Variants in PCGF5 observed in about 807,000 individuals in gnomAD.
PCGF5 encodes the protein polycomb group ring finger 5, also known as polycomb group RING finger protein 5.
In PCGF5, 9 loss-of-function variants were observed where a neutral mutation model predicts 44.3. That is an observed-to-expected ratio of 0.20 (90% CI 0.12 to 0.35). PCGF5 has a LOEUF of 0.35. Among genes scored for constraint, PCGF5 ranks in the 10% least tolerant of loss-of-function variants. The pLI is 1.00. For synonymous variants in PCGF5, 95 were observed against 102.5 expected (o/e 0.93, Z 0.44); for missense variants, 146 against 305.3 (o/e 0.48, Z 3.89).
chr10:91,251,374 C>T lies in PCGF5; in HGVS notation c.408C>T (p.Asp136=), dbSNP rs1564650041. 2 of 1,611,166 alleles carry T rather than the reference C, an allele frequency of 1.2e-6. No individual in the cohort carries two copies. Among genetic ancestry groups the T allele is most frequent in the African/African-American group, 1.3e-5 (1 of 74,828 alleles). Reference sequence around the variant, plus strand: ...ATGATAAAGATTATCACAGAAGTGACCCACAAATTGCTATCTGTCTAGATT... The same window carrying T: ...ATGATAAAGATTATCACAGAAGTGATCCACAAATTGCTATCTGTCTAGATT... ...NEDDKDYHRS[D]PQIAICLDCL... Residue 136 remains aspartate, a synonymous_variant, in exon 6 of 10, where the codon GAC becomes GAT. Coordinates refer to ENST00000336126, the MANE Select transcript of PCGF5 (RefSeq NM_032373.5).
intron 1 of PCGF5, among the ~76,000 whole-genome samples, chr10:91,206,340 A>G (rs1844347572): frequency 6.6e-6 from 1 of 152,202 alleles, no homozygotes; most frequent in African/African-American, 2.4e-5. Flanking sequence ...AGATGTTATA[A>G]ATAAGACTCT....
intron 8 of PCGF5, among the ~76,000 whole-genome samples, chr10:91,270,352 A>G (rs1357003142): frequency 6.0e-5 from 9 of 150,176 alleles, no homozygotes; most frequent in African/African-American, 2.2e-4. Flanking sequence ...AAGTATATAC[A>G]TCTTGACTGA....
rs774530990 is a variant in PCGF5 at position 91,272,915 on chromosome 10, C to CCAAAA, written c.723+1220_723+1221insAAACA. Among the ~76,000 whole-genome samples the CCAAAA allele has an allele frequency of 3.3e-5, 5 of 152,322 alleles. No homozygotes were observed. The East Asian group carries it at 9.6e-4, about 29-fold the overall frequency. ...ACAAACTTAACTGGCATACTTACCT[C>CCAAAA]CAGTGTTACAGTTTTGGAGTTGGGA... On this transcript the variant is annotated intron_variant, in intron 9 of 9. Transcript: ENST00000336126.
Position 91,279,470 on chromosome 10 carries a change from G to T in PCGF5, c.*1154G>T, listed in dbSNP as rs1288286470. 1 of 152,090 alleles carries T rather than the reference G, an allele frequency of 6.6e-6. No homozygotes were observed. The allele number at this position is 152,090 out of a possible 1,614,324, so 9.4% of individuals were successfully genotyped here. A position where few individuals can be genotyped will look rare whatever the true frequency, so the allele number is the denominator to read the frequency against. On this transcript the variant is annotated 3_prime_UTR_variant, in exon 10 of 10. Coordinates refer to ENST00000336126, the MANE Select transcript of PCGF5 (RefSeq NM_032373.5). ...CCTGTAGTAATTGGGGAAATGAGAA[G>T]ATTATTATTTTATACATGAGTTCAT... is the stretch of plus-strand genomic sequence containing the variant.
chr10:91,267,411 T>C (rs1846073099), intron 8 of PCGF5, among the ~76,000 whole-genome samples: 1 of 152,218 alleles, frequency 6.6e-6, no homozygotes, highest in East Asian at 1.9e-4. Flanking sequence ...AAGTAAAATA[T>C]AATCTGAGGA....
chr10:91,249,609 T>G (rs1482406585), intron 5 of PCGF5, among the ~76,000 whole-genome samples: 3 of 151,706 alleles, frequency 2.0e-5, no homozygotes, highest in Non-Finnish European at 4.4e-5. Context: ...GATCATAGGA[T>G]TGTCAATTAT....
intron 6 of PCGF5, among the ~76,000 whole-genome samples, chr10:91,257,580 T>G (rs1845788208): frequency 6.6e-6 from 1 of 152,092 alleles, no homozygotes; most frequent in African/African-American, 2.4e-5. Flanking sequence ...AAGTCACTAA[T>G]GGACAGGTGG....
At chr10:91,206,218 G>A (rs182853081) in intron 1 of PCGF5, among the ~76,000 whole-genome samples, 7 of 152,212 alleles carry the variant, frequency 4.6e-5, no homozygotes, top group African/African-American at 1.7e-4. Flanking sequence ...CTGCCGTCAA[G>A]GAGCTGAACA....
At chr10:91,236,900 T>C (rs1429978265) in intron 2 of PCGF5, among the ~76,000 whole-genome samples, 1 of 152,180 alleles carries the variant, frequency 6.6e-6, no homozygotes, top group East Asian at 1.9e-4. Flanking sequence ...AAGGGCTCTA[T>C]ACAGTTTAAA....
chr10:91,259,582 A>G (rs931177307), intron 6 of PCGF5, among the ~76,000 whole-genome samples: 1 of 152,210 alleles, frequency 6.6e-6, no homozygotes, highest in Non-Finnish European at 1.5e-5. Context: ...CTACAAGGCT[A>G]CAGTAACCAA....
chr10:91,263,799 C>T (rs1248004353), intron 7 of PCGF5, among the ~76,000 whole-genome samples: 1 of 152,160 alleles, frequency 6.6e-6, no homozygotes, highest in Admixed American at 6.6e-5. Flanking sequence ...TTGTGCAAAT[C>T]ACTGACCAGG....
intron 6 of PCGF5, among the ~76,000 whole-genome samples, chr10:91,252,454 C>G (rs76553784): frequency 0.01 from 1,555 of 152,086 alleles, 24 homozygotes; most frequent in African/African-American, 0.036. Context: ...ACTATGTGAA[C>G]AGTAGACAGT....
At chr10:91,268,506 G>T (rs531866725) in intron 8 of PCGF5, among the ~76,000 whole-genome samples, 1 of 151,968 alleles carries the variant, frequency 6.6e-6, no homozygotes, top group East Asian at 1.9e-4. Context: ...TATTCTATTT[G>T]GCACTATGGG....
At chr10:91,179,223 T>C (rs140917905) in intron 1 of PCGF5, among the ~76,000 whole-genome samples, 125 of 152,274 alleles carry the variant, frequency 8.2e-4, no homozygotes, top group African/African-American at 2.9e-3. Flanking sequence ...GTGGTCTCTT[T>C]TAAGTCAGAG....
chr10:91,194,374 A>C (rs1186159215), intron 1 of PCGF5, among the ~76,000 whole-genome samples: 1 of 152,144 alleles, frequency 6.6e-6, no homozygotes, highest in Non-Finnish European at 1.5e-5. Flanking sequence ...ATGGCCAGAG[A>C]GATGCAAGGT....
intron 8 of PCGF5, 111 bp downstream of exon 8, chr10:91,264,631 G>T: frequency 1.2e-6 from 1 of 813,686 alleles, no homozygotes; most frequent in Admixed American, 2.7e-5. Flanking sequence ...GGAAGGAGAA[G>T]AAACTGGTTT....
chr10:91,244,317 G>A (rs1193757788), intron 3 of PCGF5, among the ~76,000 whole-genome samples: 2 of 152,154 alleles, frequency 1.3e-5, no homozygotes, highest in African/African-American at 2.4e-5. Flanking sequence ...CCTATTCCAG[G>A]TAAAGGGAGC....
intron 2 of PCGF5, among the ~76,000 whole-genome samples, chr10:91,234,466 A>G (rs1172965533): frequency 6.6e-6 from 1 of 152,212 alleles, no homozygotes; most frequent in Admixed American, 6.5e-5. Flanking sequence ...CTTAAATTTC[A>G]TACTTGAGTT....
intron 1 of PCGF5, among the ~76,000 whole-genome samples, chr10:91,210,724 T>C (rs143802519): frequency 3.3e-5 from 5 of 152,334 alleles, no homozygotes; most frequent in African/African-American, 1.2e-4. Context: ...TTTCTGTTGT[T>C]TGGTCTCTCC....
Sources: gnomAD v4.1 joint callset for allele counts (sites outside exome capture counted in the v4.1 genomes callset) on GRCh38, gnomAD v4.1.1 for gene constraint, MANE v1.5 for transcripts, NCBI Gene and HGNC (gene_info 2026-07-23, HGNC 2026-07-21) for gene names.